The following PDGFD variants were observed in gnomAD, a reference collection of about 807,000 sequenced individuals.
PDGFD encodes platelet derived growth factor D.
In PDGFD, 30 loss-of-function variants were observed where a neutral mutation model predicts 44.7. That is an observed-to-expected ratio of 0.67 (90% CI 0.50 to 0.91). The LOEUF is 0.91. Among genes scored for constraint, PDGFD ranks in the 40% least tolerant of loss-of-function variants. The probability of loss-of-function intolerance (pLI) is 0.00; values close to 1 mark genes in which losing one functional copy is unlikely to be tolerated. For synonymous variants in PDGFD, 173 were observed against 168.4 expected, an observed-to-expected ratio of 1.03 and a Z score of -0.21; for missense variants, 445 against 457.8, an observed-to-expected ratio of 0.97 and a Z score of 0.25.
chr11:103,920,109 A>G lies in PDGFD; in HGVS notation c.987+6803T>C, dbSNP rs1337099017. The stretch of plus-strand genomic sequence containing the variant: ...TATCAAGTCCCAAGACACAGTACTC[A>G]GTTAAAAAGACATAAATGACAAACA... On this transcript the variant is annotated intron_variant, in intron 6 of 6. Coordinates refer to ENST00000393158, the MANE Select transcript of PDGFD (RefSeq NM_025208.5). Among the ~76,000 whole-genome samples the G allele has an allele frequency of 8.5e-5, 13 of 152,358 alleles. No individual in the cohort carries two copies. In the East Asian group the frequency reaches 2.5e-3, roughly 29 times the overall value.
At chr11:103,923,286 C>G (rs544071714) in intron 6 of PDGFD, among the ~76,000 whole-genome samples, 8 of 152,114 alleles carry the variant, frequency 5.3e-5, no homozygotes, top group African/African-American at 1.4e-4. Context: ...CTTTTGAGAG[C>G]AAGAAATAAT....
At chr11:104,093,811 T>C (rs1861244883) in intron 1 of PDGFD, among the ~76,000 whole-genome samples, 1 of 150,782 alleles carries the variant, frequency 6.6e-6, no homozygotes, top group Non-Finnish European at 1.5e-5. Flanking sequence ...TGCTTCTGAA[T>C]CCCACTCTTT....
chr11:104,077,942 C>T (rs1195643983), intron 1 of PDGFD, among the ~76,000 whole-genome samples: 2 of 152,100 alleles, frequency 1.3e-5, no homozygotes, highest in Non-Finnish European at 1.5e-5. Flanking sequence ...TGAGCTAGGG[C>T]GTGATCCATG....
chr11:103,965,649 G>A lies in PDGFD; in HGVS notation c.511-17925C>T, dbSNP rs139472155. Among the ~76,000 whole-genome samples, 5 of 152,272 alleles carry A rather than the reference G, an allele frequency of 3.3e-5. No homozygotes were observed. The East Asian group carries it at 9.7e-4, about 29-fold the overall frequency. On this transcript the variant is annotated intron_variant, in intron 3 of 6. Coordinates refer to ENST00000393158, the MANE Select transcript of PDGFD (RefSeq NM_025208.5). ...CAAGGCAAGGGCAGCAGAGGGTTGG[G>A]GTTGGGTAGAGTTCATGGTCCAGCT...
chr11:104,154,938 C>A (rs570505859), intron 1 of PDGFD, among the ~76,000 whole-genome samples: 1 of 152,286 alleles, frequency 6.6e-6, no homozygotes, highest in East Asian at 1.9e-4. Flanking sequence ...TCTGCATCTG[C>A]TCCAAGCTAT....
chr11:103,923,690 C>T (rs2134308071), intron 6 of PDGFD, among the ~76,000 whole-genome samples: 1 of 152,300 alleles, frequency 6.6e-6, no homozygotes, highest in South Asian at 2.1e-4. Context: ...TTTGCTGTTT[C>T]CCACAGGGCA....
intron 3 of PDGFD, among the ~76,000 whole-genome samples, chr11:103,990,172 C>A (rs1314902015): frequency 6.6e-6 from 1 of 152,178 alleles, no homozygotes; most frequent in Non-Finnish European, 1.5e-5. Flanking sequence ...TACTGGGTTG[C>A]TTCCCTCTCT....
intron 1 of PDGFD, among the ~76,000 whole-genome samples, chr11:104,110,004 T>C (rs1861529240): frequency 6.6e-6 from 1 of 152,054 alleles, no homozygotes; most frequent in Non-Finnish European, 1.5e-5. Flanking sequence ...GCTAACCATA[T>C]TGAATGCTTA....
intron 1 of PDGFD, among the ~76,000 whole-genome samples, chr11:104,002,381 G>C (rs1401329234): frequency 6.6e-6 from 1 of 152,134 alleles, no homozygotes; most frequent in Non-Finnish European, 1.5e-5. Flanking sequence ...TAATGAGTGA[G>C]TTCTCATGAA....
rs551253997 is a variant in PDGFD, at chr11:104,060,627, C to T, written c.125-60372G>A. Among the ~76,000 whole-genome samples, 4 of 152,194 alleles carry T rather than the reference C, an allele frequency of 2.6e-5. No individual in the cohort carries two copies. In the South Asian group the frequency reaches 8.3e-4, roughly 32 times the overall value. ...CATTCCTGTGTATACTTCTGTTTGT[C>T]CAGCTTAGTAGCAGAGTGAAAAATG... is the stretch of plus-strand genomic sequence containing the variant. On this transcript the variant is annotated intron_variant, in intron 1 of 6. Coordinates refer to ENST00000393158, the MANE Select transcript of PDGFD (RefSeq NM_025208.5).
chr11:104,052,998 C>G (rs77730857), intron 1 of PDGFD, among the ~76,000 whole-genome samples: 5,820 of 152,174 alleles, frequency 0.038, 144 homozygotes, highest in East Asian at 0.076. Flanking sequence ...TTGGTGGTAA[C>G]AGTGACTTTT....
At chr11:104,076,774 T>G (rs1192629449) in intron 1 of PDGFD, among the ~76,000 whole-genome samples, 1 of 152,194 alleles carries the variant, frequency 6.6e-6, no homozygotes, top group Non-Finnish European at 1.5e-5. Context: ...TCTGCCACCC[T>G]TAAGACAGCA....
At chr11:103,940,237 T>G (rs569720720) in intron 5 of PDGFD, among the ~76,000 whole-genome samples, 1 of 152,176 alleles carries the variant, frequency 6.6e-6, no homozygotes, top group Non-Finnish European at 1.5e-5. Context: ...TATTCCTGAT[T>G]CATTATAAGT....
intron 1 of PDGFD, among the ~76,000 whole-genome samples, chr11:104,157,168 C>G (rs573887176): frequency 2.0e-4 from 31 of 152,272 alleles, no homozygotes; most frequent in African/African-American, 7.2e-4. Context: ...GAGCGCAGAG[C>G]GACAACCAGG....
chr11:103,928,741 T>A (rs2091740564), intron 5 of PDGFD, among the ~76,000 whole-genome samples: 1 of 152,204 alleles, frequency 6.6e-6, no homozygotes, highest in South Asian at 2.1e-4. Flanking sequence ...ACTTTAGCTA[T>A]AATCAATCCA....
rs1012884851 is a variant in PDGFD at position 103,947,778 on chromosome 11, T to C, written c.511-54A>G. ...AGTCAAACCTCTGTTCAATTCATTA[T>C]GTGCACAGTTTCAACATCTCAGCCT... On this transcript the variant is annotated intron_variant, in intron 3 of 6. Coordinates refer to ENST00000393158, the MANE Select transcript of PDGFD (RefSeq NM_025208.5). The C allele has an allele frequency of 1.2e-5, 16 of 1,296,570 alleles. No homozygotes were observed. The Admixed American group carries it at 2.5e-4, about 20-fold the overall frequency. The allele number at this position is 1,296,570 out of a possible 1,614,324, so 80.3% of individuals were successfully genotyped here.
chr11:104,010,548 T>G (rs1859768908), intron 1 of PDGFD, among the ~76,000 whole-genome samples: 1 of 152,080 alleles, frequency 6.6e-6, no homozygotes, highest in Non-Finnish European at 1.5e-5. Context: ...AGCTTGTATT[T>G]TATAGGTAAT....
At chr11:103,935,412 A>G (rs960332091) in intron 5 of PDGFD, among the ~76,000 whole-genome samples, 2 of 152,212 alleles carry the variant, frequency 1.3e-5, no homozygotes, top group African/African-American at 4.8e-5. Flanking sequence ...AGAGTAAGTG[A>G]GGCAGCTAGA....
At chr11:104,121,675 C>A (rs998437447) in intron 1 of PDGFD, among the ~76,000 whole-genome samples, 1 of 151,966 alleles carries the variant, frequency 6.6e-6, no homozygotes, top group African/African-American at 2.4e-5. Context: ...TGTACACACT[C>A]TCAATTTCTG....
Sources: allele counts gnomAD v4.1 joint callset (sites outside exome capture counted in the v4.1 genomes callset), GRCh38; gene constraint gnomAD v4.1.1; transcripts MANE v1.5; gene names NCBI Gene and HGNC (gene_info 2026-07-23, HGNC 2026-07-21).